ZNF385D: variants seen among roughly 807,000 people sequenced by gnomAD.
ZNF385D encodes the protein zinc finger protein 385D.
Under a neutral mutation model 35.8 loss-of-function variants are expected in ZNF385D, and 15 were observed. The observed-to-expected ratio is 0.42, with a 90% CI of 0.28 to 0.64. The LOEUF is 0.64. Among genes scored for constraint, ZNF385D ranks in the 30% least tolerant of loss-of-function variants. ZNF385D has a pLI of 0.23. For missense variants in ZNF385D, 474 were observed against 494.6 expected (o/e 0.96, Z 0.39); for synonymous variants, 212 against 186.8 (o/e 1.13, Z -1.10).
intron 1 of ZNF385D, among the ~76,000 whole-genome samples, chr3:21,739,559 T>C (rs1289839055): frequency 1.3e-5 from 2 of 152,168 alleles, no homozygotes; most frequent in Non-Finnish European, 2.9e-5. Context: ...GGTAAAGTCT[T>C]AGCCAGGCAT....
At chr3:21,817,845 C>G (rs149791478) in intron 3 of ZNF385D, among the ~76,000 whole-genome samples, 1 of 151,932 alleles carries the variant, frequency 6.6e-6, no homozygotes, top group Admixed American at 6.6e-5. Context: ...AAGGATTATA[C>G]GTAAATCATG....
At chr3:21,652,658 T>C (rs2065953928) in intron 2 of ZNF385D, among the ~76,000 whole-genome samples, 1 of 132,750 alleles carries the variant, frequency 7.5e-6, no homozygotes, top group Admixed American at 8.3e-5. Flanking sequence ...CGAAGTGTGA[T>C]GTTCCCCTTC....
In ZNF385D at chr3:22,292,631, C is replaced by A. The variant is rs748326914; in HGVS notation, c.106+79819G>T. ...TTCACACGGCTAATTTAAAGATCTA[C>A]AGACTTCAATAGATAAGGGAAGGAA... On this transcript the variant is annotated intron_variant, in intron 2 of 5. Transcript: ENST00000494108. Among the ~76,000 whole-genome samples, 3 of 152,054 alleles carry A rather than the reference C, an allele frequency of 2.0e-5. 1 individual carries two copies. In the South Asian group the frequency reaches 6.2e-4, roughly 32 times the overall value.
intron 2 of ZNF385D, among the ~76,000 whole-genome samples, chr3:21,662,369 G>C (rs1270067340): frequency 1.3e-5 from 2 of 152,096 alleles, no homozygotes; most frequent in Non-Finnish European, 2.9e-5. Context: ...GATAATTGTT[G>C]GAGTCCAAAA....
chr3:22,096,792 G>A (rs1001653241), intron 3 of ZNF385D, among the ~76,000 whole-genome samples: 23 of 152,098 alleles, frequency 1.5e-4, no homozygotes, highest in Admixed American at 7.2e-4. Context: ...TGATATCTGC[G>A]GAGTTTTAAA....
At chr3:22,084,113 A>C (rs543319775) in intron 3 of ZNF385D, among the ~76,000 whole-genome samples, 1 of 152,374 alleles carries the variant, frequency 6.6e-6, no homozygotes, top group East Asian at 1.9e-4. Context: ...AACCAGTACC[A>C]GCCACTGCAA....
chr3:21,727,938 G>C (rs1021276491), intron 1 of ZNF385D, among the ~76,000 whole-genome samples: 10 of 152,096 alleles, frequency 6.6e-5, no homozygotes, highest in African/African-American at 2.4e-4. Context: ...TGATAGACTA[G>C]ATAAAGAAAA....
intron 3 of ZNF385D, among the ~76,000 whole-genome samples, chr3:21,791,584 C>G (rs2071927591): frequency 6.6e-6 from 1 of 152,090 alleles, no homozygotes; most frequent in Admixed American, 6.6e-5. Flanking sequence ...CTTGAGTTCC[C>G]CAGTGAACAT....
At chr3:21,972,449 A>G (rs1393904512) in intron 3 of ZNF385D, among the ~76,000 whole-genome samples, 1 of 152,124 alleles carries the variant, frequency 6.6e-6, no homozygotes, top group South Asian at 2.1e-4. Flanking sequence ...CTAAGAGGAA[A>G]GTTTATAGCC....
chr3:21,989,205 T>C (rs1695006618), intron 3 of ZNF385D, among the ~76,000 whole-genome samples: 1 of 152,160 alleles, frequency 6.6e-6, no homozygotes. Flanking sequence ...TTTTTTAGAA[T>C]AGTTTCTGTA....
intron 2 of ZNF385D, among the ~76,000 whole-genome samples, chr3:22,261,977 T>C (rs76418762): frequency 0.02 from 3,074 of 152,104 alleles, 96 homozygotes; most frequent in African/African-American, 0.069. Flanking sequence ...CACCTGCTTC[T>C]TTAAAGGAAG....
At chr3:22,096,395 T>C (rs943981551) in intron 3 of ZNF385D, among the ~76,000 whole-genome samples, 7 of 152,032 alleles carry the variant, frequency 4.6e-5, no homozygotes, top group African/African-American at 1.7e-4. Flanking sequence ...ATTGTTTAAA[T>C]AGGGCTTCTT....
At chr3:21,660,889 T>C (rs1575415457) in intron 2 of ZNF385D, among the ~76,000 whole-genome samples, 2 of 152,316 alleles carry the variant, frequency 1.3e-5, no homozygotes, top group South Asian at 4.1e-4. Flanking sequence ...TTCTGCATAG[T>C]GCTTTTCATT....
intron 3 of ZNF385D, chr3:21,942,787 T>C (rs1701583881): frequency 6.6e-6 from 1 of 152,220 alleles, no homozygotes; most frequent in Non-Finnish European, 1.5e-5. Flanking sequence ...ACACTTCTAT[T>C]GGCAGTTCTT....
intron 2 of ZNF385D, among the ~76,000 whole-genome samples, chr3:22,366,095 G>A (rs1314729423): frequency 1.3e-5 from 2 of 151,878 alleles, no homozygotes; most frequent in Non-Finnish European, 2.9e-5. Flanking sequence ...GTTATATACA[G>A]TACAATCAAT....
chr3:21,803,976 G>T lies in ZNF385D; in HGVS notation c.326-138948C>A, dbSNP rs555597023. 1.3e-4 allele frequency among the ~76,000 whole-genome samples: 20 copies of T among 152,272 alleles called. No homozygotes were observed. The South Asian group carries it at 3.7e-3, about 28-fold the overall frequency. On this transcript the variant is annotated intron_variant, in intron 3 of 5. Transcript: ENST00000494108. The stretch of plus-strand genomic sequence containing the variant: ...TTTAATAGGAACATTGTAAAATTCT[G>T]TAGTTTCATATCATGTTTACACAAT...
intron 1 of ZNF385D, among the ~76,000 whole-genome samples, chr3:21,737,099 C>A (rs1362881451): frequency 6.6e-6 from 1 of 152,152 alleles, no homozygotes; most frequent in Non-Finnish European, 1.5e-5. Flanking sequence ...GCCACCACGC[C>A]TGGATAATTT....
At chr3:21,927,271 CTCT>C (rs924228977) in intron 3 of ZNF385D, among the ~76,000 whole-genome samples, 1 of 147,132 alleles carries the variant, frequency 6.8e-6, no homozygotes, top group African/African-American at 2.5e-5. Context: ...CCAAATAAAT[CTCT>C]TTTTTTTTAA....
chr3:21,546,621 C>T (rs980751284), intron 3 of ZNF385D, among the ~76,000 whole-genome samples: 1 of 151,850 alleles, frequency 6.6e-6, no homozygotes, highest in Admixed American at 6.6e-5. Flanking sequence ...GGAAAGAGAA[C>T]TGGATCTAAG....
Sources: gnomAD v4.1 joint callset for allele counts (sites outside exome capture counted in the v4.1 genomes callset) on GRCh38, gnomAD v4.1.1 for gene constraint, MANE v1.5 for transcripts, NCBI Gene and HGNC (gene_info 2026-07-23, HGNC 2026-07-21) for gene names.